STXBP5L: variants seen among roughly 807,000 people sequenced by gnomAD.
STXBP5L encodes syntaxin-binding protein 5-like.
A neutral mutation model predicts 144.5 loss-of-function variants in STXBP5L; 65 were observed. That is an observed-to-expected ratio of 0.45 (90% CI 0.37 to 0.55). The LOEUF (loss-of-function observed/expected upper bound fraction) is 0.55, where lower values mean the gene tolerates loss of function less well. STXBP5L is among the 20% of genes least tolerant of loss of function. The pLI, the probability that STXBP5L is intolerant of heterozygous loss-of-function variation, is 0.00. For synonymous variants in STXBP5L, 505 were observed against 469.6 expected (o/e 1.08, Z -0.97); for missense variants, 1,298 against 1,405.5 (o/e 0.92, Z 1.22).
chr3:121,059,169 C>G (rs1948651194), intron 5 of STXBP5L, among the ~76,000 whole-genome samples: 1 of 152,034 alleles, frequency 6.6e-6, no homozygotes, highest in Non-Finnish European at 1.5e-5. Flanking sequence ...AGGAAGGGGT[C>G]CAGTTTCAGT....
chr3:120,957,391 TTGATAA>T (rs1384644946), intron 3 of STXBP5L, among the ~76,000 whole-genome samples: 1 of 152,034 alleles, frequency 6.6e-6, no homozygotes, highest in African/African-American at 2.4e-5. Flanking sequence ...TGATTCCCAC[TTGATAA>T]TGATAAGTGA....
intron 20 of STXBP5L, among the ~76,000 whole-genome samples, chr3:121,333,917 C>G (rs1331838863): frequency 6.6e-6 from 1 of 152,052 alleles, no homozygotes; most frequent in Non-Finnish European, 1.5e-5. Context: ...TGTCCCCACC[C>G]AGATCTCATC....
At chr3:120,987,222 C>A (rs1471710999) in intron 3 of STXBP5L, among the ~76,000 whole-genome samples, 1 of 151,904 alleles carries the variant, frequency 6.6e-6, no homozygotes, top group Non-Finnish European at 1.5e-5. Flanking sequence ...AGTAGTCGTA[C>A]AATTTTGTTC....
chr3:121,092,456 G>A (rs574493782), intron 5 of STXBP5L, among the ~76,000 whole-genome samples: 3 of 152,114 alleles, frequency 2.0e-5, no homozygotes, highest in South Asian at 2.1e-4. Context: ...TTGAGCAGTG[G>A]TTTGTAGTTC....
chr3:121,369,994 C>T (rs571715321), intron 20 of STXBP5L, among the ~76,000 whole-genome samples: 13 of 152,166 alleles, frequency 8.5e-5, no homozygotes, highest in South Asian at 4.2e-4. Flanking sequence ...GGGGCCTGAT[C>T]GGCAGTGATT....
chr3:121,029,093 G>T (rs773357520), intron 3 of STXBP5L, among the ~76,000 whole-genome samples: 1 of 152,106 alleles, frequency 6.6e-6, no homozygotes, highest in Non-Finnish European at 1.5e-5. Context: ...TCGTGCAAAT[G>T]GCCATACTGA....
At chr3:121,383,813 C>A (rs923902098) in intron 22 of STXBP5L, among the ~76,000 whole-genome samples, 1 of 152,068 alleles carries the variant, frequency 6.6e-6, no homozygotes, top group African/African-American at 2.4e-5. Context: ...TATTTTCTTT[C>A]CTATACCCAT....
intron 6 of STXBP5L, among the ~76,000 whole-genome samples, chr3:121,117,692 T>C (rs922974560): frequency 1.3e-5 from 2 of 151,826 alleles, no homozygotes; most frequent in Non-Finnish European, 3.0e-5. Flanking sequence ...CTATTTTAAG[T>C]CCTTATTGAA....
At chr3:121,113,211 C>CT (rs1220615100) in intron 5 of STXBP5L, among the ~76,000 whole-genome samples, 1 of 152,018 alleles carries the variant, frequency 6.6e-6, no homozygotes, top group African/African-American at 2.4e-5. Context: ...TTGAGGTTTG[C>CT]TTTTTTTCTA....
chr3:121,223,278 T>G, intron 11 of STXBP5L, 121 bp downstream of exon 11: 1 of 1,009,540 alleles, frequency 9.9e-7, no homozygotes, highest in Non-Finnish European at 1.4e-6. Flanking sequence ...GAGCTACAAG[T>G]GCTGGAACAG....
intron 2 of STXBP5L, among the ~76,000 whole-genome samples, chr3:120,941,780 G>A (rs1426598310): frequency 1.3e-5 from 2 of 151,696 alleles, no homozygotes; most frequent in African/African-American, 4.8e-5. Context: ...TGGAAGGCAT[G>A]ATGTCTGTTT....
chr3:121,390,067 C>T (rs2108703344), intron 22 of STXBP5L, among the ~76,000 whole-genome samples: 1 of 152,278 alleles, frequency 6.6e-6, no homozygotes, highest in East Asian at 1.9e-4. Context: ...AATCTGGGTG[C>T]TCCCATATTG....
chr3:121,056,898 TAAAC>T (rs1372762097), intron 5 of STXBP5L, among the ~76,000 whole-genome samples: 2 of 151,270 alleles, frequency 1.3e-5, no homozygotes, highest in African/African-American at 2.4e-5. Flanking sequence ...ATTTTTTTGT[TAAAC>T]AAATTAGCAA....
chr3:121,191,738 C>T (rs1197271611), intron 9 of STXBP5L, among the ~76,000 whole-genome samples: 1 of 152,078 alleles, frequency 6.6e-6, no homozygotes, highest in Non-Finnish European at 1.5e-5. Context: ...GAAAATGTGG[C>T]ACATATACAC....
chr3:121,291,853 T>C (rs912724999), intron 19 of STXBP5L, among the ~76,000 whole-genome samples: 1 of 152,182 alleles, frequency 6.6e-6, no homozygotes, highest in African/African-American at 2.4e-5. Flanking sequence ...GCAAGCCACA[T>C]GTAGAAAAAT....
chr3:121,116,509 C>A (rs993439447), intron 6 of STXBP5L, among the ~76,000 whole-genome samples: 2 of 151,962 alleles, frequency 1.3e-5, no homozygotes, highest in African/African-American at 2.4e-5. Context: ...TTTTCTTGTT[C>A]TTCATACTTG....
At chr3:121,041,159 C>T (rs1426120353) in intron 3 of STXBP5L, among the ~76,000 whole-genome samples, 6 of 150,308 alleles carry the variant, frequency 4.0e-5, no homozygotes, top group Middle Eastern at 3.4e-3. Context: ...CATTTATTTT[C>T]CAGTTTTCTC....
In STXBP5L at chr3:120,999,483, C is replaced by A. The variant is rs138279774; in HGVS notation, c.288-42217C>A. Among the ~76,000 whole-genome samples, 47 of 152,332 alleles carry A rather than the reference C, an allele frequency of 3.1e-4. No individual in the cohort carries two copies. In the East Asian group the frequency reaches 8.5e-3, roughly 27 times the overall value. On this transcript the variant is annotated intron_variant, in intron 3 of 26. Coordinates refer to ENST00000471454, the MANE Select transcript of STXBP5L (RefSeq NM_001308330.2). ...GTGTGTCATTACACGTGACATTGGT[C>A]TCTCGAAGACAGCGTACAGTTGGGT...
At chr3:121,121,365 C>T (rs917664526) in intron 6 of STXBP5L, among the ~76,000 whole-genome samples, 2 of 151,252 alleles carry the variant, frequency 1.3e-5, no homozygotes, top group Non-Finnish European at 3.0e-5. Flanking sequence ...GCTTATCTGA[C>T]AACAAACGTT....
Sources: gnomAD v4.1 joint callset for allele counts (sites outside exome capture counted in the v4.1 genomes callset) on GRCh38, gnomAD v4.1.1 for gene constraint, MANE v1.5 for transcripts, NCBI Gene and HGNC (gene_info 2026-07-23, HGNC 2026-07-21) for gene names.